The following SLC9A9 variants were observed in gnomAD, a reference collection of about 807,000 sequenced individuals.
SLC9A9 encodes the protein solute carrier family 9 member A9.
Under a neutral mutation model 77.8 loss-of-function variants are expected in SLC9A9, and 62 were observed. The ratio of observed to expected loss-of-function variants is 0.80; its 90% CI spans 0.65 to 0.98. The LOEUF is 0.98. Ranked by LOEUF, SLC9A9 falls within the 50% of genes least tolerant of loss-of-function variation. SLC9A9 has a pLI of 0.00. For missense variants in SLC9A9, 775 were observed against 774.9 expected (o/e 1.00, Z 0.00); for synonymous variants, 320 against 283.5 (o/e 1.13, Z -1.29).
intron 6 of SLC9A9, among the ~76,000 whole-genome samples, chr3:143,632,987 A>T (rs1429990647): frequency 6.6e-6 from 1 of 152,228 alleles, no homozygotes; most frequent in Non-Finnish European, 1.5e-5. Flanking sequence ...TCCTGGCATC[A>T]GAGACACATG....
At chr3:143,732,143 G>C (rs2108810765) in intron 4 of SLC9A9, among the ~76,000 whole-genome samples, 1 of 152,336 alleles carries the variant, frequency 6.6e-6, no homozygotes, top group South Asian at 2.1e-4. Context: ...CACTGATTCA[G>C]AGGATGAACT....
At chr3:143,805,935 T>C (rs1195866600) in intron 2 of SLC9A9, among the ~76,000 whole-genome samples, 3 of 152,194 alleles carry the variant, frequency 2.0e-5, no homozygotes, top group Admixed American at 2.0e-4. Context: ...AAAGAAATGA[T>C]GTAGAAATTC....
At chr3:143,396,321 C>CCAT (rs1249853145) in intron 12 of SLC9A9, among the ~76,000 whole-genome samples, 2 of 149,198 alleles carry the variant, frequency 1.3e-5, no homozygotes, top group Non-Finnish European at 3.0e-5. Context: ...AAGCTGGAAA[C>CCAT]CATTCTCAGC....
rs560138303 is a variant in SLC9A9 at position 143,514,544 on chromosome 3, T to G, written c.1090-19096A>C. Among the ~76,000 whole-genome samples, 35 of 152,358 alleles carry G rather than the reference T, an allele frequency of 2.3e-4. No individual in the cohort carries two copies. The East Asian group carries it at 6.2e-3, about 27-fold the overall frequency. Reference sequence around the variant, plus strand: ...TTTTATTTACACTGGAAATCTGTTGTTTAGTGTAGCCACCTTTATCAATTA... The same window carrying G: ...TTTTATTTACACTGGAAATCTGTTGGTTAGTGTAGCCACCTTTATCAATTA... On this transcript the variant is annotated intron_variant, in intron 9 of 15. Transcript: ENST00000316549.
chr3:143,553,764 C>T (rs1271418903), intron 8 of SLC9A9, among the ~76,000 whole-genome samples: 1 of 152,118 alleles, frequency 6.6e-6, no homozygotes, highest in Non-Finnish European at 1.5e-5. Context: ...GAAATTTTAC[C>T]ATGAAATATC....
intron 6 of SLC9A9, among the ~76,000 whole-genome samples, chr3:143,596,803 T>C (rs2037760541): frequency 6.6e-6 from 1 of 152,026 alleles, no homozygotes; most frequent in Admixed American, 6.6e-5. Context: ...GTTGGGATCA[T>C]AGGTGTGCAT....
intron 14 of SLC9A9, among the ~76,000 whole-genome samples, chr3:143,282,257 C>T (rs955432832): frequency 7.2e-5 from 11 of 151,964 alleles, no homozygotes; most frequent in African/African-American, 2.2e-4. Context: ...ACAACACATA[C>T]CCCCCCAAAC....
At chr3:143,620,264 G>C (rs2038177847) in intron 6 of SLC9A9, among the ~76,000 whole-genome samples, 1 of 152,166 alleles carries the variant, frequency 6.6e-6, no homozygotes, top group Non-Finnish European at 1.5e-5. Flanking sequence ...GCAAGTAGTT[G>C]AACCTCCCTG....
intron 12 of SLC9A9, among the ~76,000 whole-genome samples, chr3:143,441,612 CT>C (rs34808805): frequency 0.12 from 18,171 of 148,022 alleles, 1,271 homozygotes; most frequent in Non-Finnish European, 0.16. Flanking sequence ...AGTATCTGCA[CT>C]TTTTTTTTTT....
At chr3:143,414,726 A>G (rs993313170) in intron 12 of SLC9A9, among the ~76,000 whole-genome samples, 2 of 152,222 alleles carry the variant, frequency 1.3e-5, no homozygotes, top group African/African-American at 2.4e-5. Context: ...ATTCCCTGAG[A>G]CAGCAGTATT....
Position 143,836,348 on chromosome 3 carries a change from C to T in SLC9A9, c.176-4127G>A, listed in dbSNP as rs4276178. Among the ~76,000 whole-genome samples, 1,173 of 152,332 alleles carry T rather than the reference C, an allele frequency of 7.7e-3. 14 individuals carry two copies. Among genetic ancestry groups the T allele is most frequent in the African/African-American group, 0.027 (1,108 of 41,572 alleles). ...AGAGGCTCTGTGCTATTCTTTATCT[C>T]TTTTCCTCTAGAAAAGCCAATCACT... On this transcript the variant is annotated intron_variant, in intron 1 of 15. Coordinates refer to ENST00000316549, the MANE Select transcript of SLC9A9 (RefSeq NM_173653.4).
chr3:143,611,922 G>A (rs938655749), intron 6 of SLC9A9, among the ~76,000 whole-genome samples: 1 of 152,136 alleles, frequency 6.6e-6, no homozygotes, highest in Non-Finnish European at 1.5e-5. Flanking sequence ...AATATTTAGA[G>A]ATAGGGTCTC....
intron 4 of SLC9A9, among the ~76,000 whole-genome samples, chr3:143,772,403 T>A (rs961626738): frequency 2.0e-5 from 3 of 151,916 alleles, no homozygotes; most frequent in African/African-American, 7.3e-5. Flanking sequence ...AGTAAAAAAA[T>A]TTGTTCTAGT....
chr3:143,630,711 A>T (rs566602995), intron 6 of SLC9A9, among the ~76,000 whole-genome samples: 2 of 152,300 alleles, frequency 1.3e-5, no homozygotes, highest in South Asian at 4.1e-4. Flanking sequence ...CATTTGAAAA[A>T]ATTTAAAAAA....
chr3:143,526,477 T>C (rs747436987), intron 9 of SLC9A9, among the ~76,000 whole-genome samples: 5 of 152,170 alleles, frequency 3.3e-5, no homozygotes, highest in Admixed American at 6.5e-5. Context: ...TTCCTACATT[T>C]TAGCATCTAT....
At chr3:143,331,014 A>G (rs1393071) in intron 14 of SLC9A9, among the ~76,000 whole-genome samples, 51,643 of 152,138 alleles carry the variant, frequency 0.34, 9,690 homozygotes, top group African/African-American at 0.5. Flanking sequence ...TATCATGCAT[A>G]TAAAGAAAGT....
chr3:143,463,951 C>T (rs918282461), intron 12 of SLC9A9, among the ~76,000 whole-genome samples: 1 of 152,080 alleles, frequency 6.6e-6, no homozygotes, highest in Non-Finnish European at 1.5e-5. Flanking sequence ...TTATATAAAA[C>T]ATTTTCTTTG....
intron 5 of SLC9A9, among the ~76,000 whole-genome samples, chr3:143,658,377 A>T (rs534801913): frequency 6.6e-6 from 1 of 152,352 alleles, no homozygotes; most frequent in South Asian, 2.1e-4. Flanking sequence ...CCCTCCAGTC[A>T]TCTTCGGTAG....
At chr3:143,731,964 A>G (rs75027466) in intron 4 of SLC9A9, among the ~76,000 whole-genome samples, 4,001 of 152,280 alleles carry the variant, frequency 0.026, 202 homozygotes, top group African/African-American at 0.09. Flanking sequence ...AGCTACTGCA[A>G]TATGTCCAGG....
Sources: gnomAD v4.1 joint callset for allele counts (sites outside exome capture counted in the v4.1 genomes callset) on GRCh38, gnomAD v4.1.1 for gene constraint, MANE v1.5 for transcripts, NCBI Gene and HGNC (gene_info 2026-07-23, HGNC 2026-07-21) for gene names.